DTWD1: variants seen among roughly 807,000 people sequenced by gnomAD.
The protein encoded by DTWD1 is tRNA-uridine aminocarboxypropyltransferase 1.
A neutral mutation model predicts 30.2 loss-of-function variants in DTWD1; 27 were observed. The observed-to-expected ratio is 0.90, with a 90% CI of 0.66 to 1.23. The LOEUF (loss-of-function observed/expected upper bound fraction) is 1.23, where lower values mean the gene tolerates loss of function less well. Ranked by LOEUF, DTWD1 falls within the 50% of genes most tolerant of loss-of-function variation. The probability of loss-of-function intolerance (pLI) is 0.00; values close to 1 mark genes in which losing one functional copy is unlikely to be tolerated. For synonymous variants in DTWD1, 99 were observed against 113.1 expected, an observed-to-expected ratio of 0.88 and a Z score of 0.79; for missense variants, 342 against 348.8, an observed-to-expected ratio of 0.98 and a Z score of 0.15.
chr15:49,627,939 G>T (rs1335782568), intron 2 of DTWD1, among the ~76,000 whole-genome samples: 1 of 152,092 alleles, frequency 6.6e-6, no homozygotes, highest in East Asian at 1.9e-4. Flanking sequence ...TTAGCTTACT[G>T]TGACTTTTTT....
Position 49,653,099 on chromosome 15 carries a change from A to T in DTWD1, c.*9521A>T, listed in dbSNP as rs924528306. 6.6e-6 allele frequency: 1 copy of T among 152,178 alleles called. No individual in the cohort carries two copies. Among genetic ancestry groups the T allele is most frequent in the African/African-American group, 2.4e-5 (1 of 41,452 alleles). 9.4% of individuals were successfully genotyped at this position (152,178 alleles called of 1,614,324 possible). ...TCAGCAATAGATAACAGAAATTGGT[A>T]TCAGGAGTGGGGTGTTACCATAACA... On this transcript the variant is annotated 3_prime_UTR_variant, in exon 5 of 5. Transcript: ENST00000403028.
chr15:49,635,927 G>C (rs1325464554), intron 4 of DTWD1, among the ~76,000 whole-genome samples: 1 of 152,098 alleles, frequency 6.6e-6, no homozygotes, highest in African/African-American at 2.4e-5. Flanking sequence ...AAATGAACCT[G>C]TCCATCCCCT....
At chr15:49,625,775 A>C (rs1170697380) in intron 2 of DTWD1, among the ~76,000 whole-genome samples, 3 of 152,136 alleles carry the variant, frequency 2.0e-5, no homozygotes, top group Non-Finnish European at 4.4e-5. Flanking sequence ...AAAATTTTCC[A>C]AATAGGGTAA....
rs886068827 is a variant in DTWD1 at position 49,643,614 on chromosome 15, A to G, written c.*36A>G. On this transcript the variant is annotated 3_prime_UTR_variant, in exon 5 of 5. Coordinates refer to ENST00000403028, the MANE Select transcript of DTWD1 (RefSeq NM_001144955.2). Reference sequence around the variant, plus strand: ...GCCACTTATGTCTTTTTATTTTGCTAACATTAATAAACTTATATTTGTGCT... The same window carrying G: ...GCCACTTATGTCTTTTTATTTTGCTGACATTAATAAACTTATATTTGTGCT... The G allele has an allele frequency of 6.5e-7, 1 of 1,527,968 alleles. No individual in the cohort carries two copies. Among genetic ancestry groups the G allele is most frequent in the East Asian group, 2.3e-5 (1 of 43,294 alleles). The allele number at this position is 1,527,968 out of a possible 1,614,324, so 94.7% of individuals were successfully genotyped here.
Position 49,643,373 on chromosome 15 carries a change from G to A in DTWD1, c.710G>A (p.Trp237Ter). ...TTGAAAACAAGAAAAACTTGCTTTT[G>A]GCGCCATCAAAAAGGAAAGCCAGAT... ...VELKTRKTCF[W>*]RHQKGKPDTF... The change falls in exon 5 of 5, where the codon TGG (tryptophan) becomes TAG (stop). Residue 237 changes from tryptophan to a stop codon, truncating the protein, a stop_gained. Coordinates refer to ENST00000403028, the MANE Select transcript of DTWD1 (RefSeq NM_001144955.2). LOFTEE classifies it high-confidence loss of function. The A allele has an allele frequency of 6.9e-7, 1 of 1,440,510 alleles. No individual in the cohort carries two copies. The highest frequency in any genetic ancestry group is 9.1e-7 in the Non-Finnish European group (1 of 1,103,800). 89.2% of individuals were successfully genotyped at this position (1,440,510 alleles called of 1,614,324 possible).
rs2078975242 is a variant in DTWD1 at position 49,634,557 on chromosome 15, C to T, written c.430C>T (p.Pro144Ser). The T allele has an allele frequency of 6.2e-7, 1 of 1,610,254 alleles. No individual in the cohort carries two copies. The highest frequency in any genetic ancestry group is 8.5e-7 in the Non-Finnish European group (1 of 1,178,518). ...TTAGGTTGCACTCATTTTTCCTGGA[C>T]CTCAGTCTATCTCAATAAAAGATAT... ...DHEVALIFPG[P>S]QSISIKDISF... The change falls in exon 4 of 5, where the codon CCT becomes TCT. Residue 144 changes from proline (P) to serine (S), a missense_variant. By Grantham distance (74) the Pro-to-Ser change is moderately conservative. Transcript: ENST00000403028.
At chr15:49,632,027 A>G (rs1436593478) in intron 2 of DTWD1, 132 bp from the exon 3 acceptor site, 7 of 871,320 alleles carry the variant, frequency 8.0e-6, no homozygotes, top group African/African-American at 6.7e-5. Flanking sequence ...ATATTATGGT[A>G]TATCTTTTAA....
intron 1 of DTWD1, among the ~76,000 whole-genome samples, chr15:49,624,056 A>AAAAAAAG (rs2078806426): frequency 6.6e-6 from 1 of 151,838 alleles, no homozygotes; most frequent in African/African-American, 2.4e-5. Context: ...ATCTTAAAAA[A>AAAAAAAG]AAAAAGAAAA....
intron 1 of DTWD1, among the ~76,000 whole-genome samples, chr15:49,623,426 CT>C (rs112862445): frequency 1.8e-4 from 26 of 147,170 alleles, no homozygotes; most frequent in East Asian, 3.9e-4. Context: ...TCTTCCCAAG[CT>C]TTTTTTTTTT....
Position 49,655,527 on chromosome 15 carries a change from C to T in DTWD1, c.*11949C>T, listed in dbSNP as rs1359821341. On this transcript the variant is annotated 3_prime_UTR_variant, in exon 5 of 5. Transcript: ENST00000403028. The stretch of plus-strand genomic sequence containing the variant: ...TGTGAGCCTTTATATCAGATTAGTC[C>T]ACCCCATTAGAACAAAAGCAACTTC... 1 of 151,720 alleles carries T rather than the reference C, an allele frequency of 6.6e-6. No homozygotes were observed. Among genetic ancestry groups the T allele is most frequent in the Admixed American group, 6.6e-5 (1 of 15,206 alleles). The allele number at this position is 151,720 out of a possible 1,614,324, so 9.4% of individuals were successfully genotyped here. A position where few individuals can be genotyped will look rare whatever the true frequency, so the allele number is the denominator to read the frequency against.
intron 2 of DTWD1, among the ~76,000 whole-genome samples, chr15:49,628,996 C>G (rs35112372): frequency 0.052 from 7,976 of 152,168 alleles, 358 homozygotes; most frequent in East Asian, 0.23. Flanking sequence ...AGCTCCCCAC[C>G]CCCAGACGGG....
At chr15:49,638,762 T>G (rs2079031971) in intron 4 of DTWD1, among the ~76,000 whole-genome samples, 2 of 152,204 alleles carry the variant, frequency 1.3e-5, no homozygotes, top group Non-Finnish European at 2.9e-5. Context: ...CTTACTGTTT[T>G]GCCAAATTTT....
chr15:49,655,190 C>A lies in DTWD1; in HGVS notation c.*11612C>A, dbSNP rs1262651526. The stretch of plus-strand genomic sequence containing the variant: ...CCTTCTAACTCAGCTTAGCCATTAT[C>A]TGCATGCAACCACATAAGTGACCCT... On this transcript the variant is annotated 3_prime_UTR_variant, in exon 5 of 5. Coordinates refer to ENST00000403028, the MANE Select transcript of DTWD1 (RefSeq NM_001144955.2). The A allele has an allele frequency of 1.3e-5, 2 of 152,110 alleles. No individual in the cohort carries two copies. Among genetic ancestry groups the A allele is most frequent in the Non-Finnish European group, 2.9e-5 (2 of 68,024 alleles). 9.4% of individuals were successfully genotyped at this position (152,110 alleles called of 1,614,324 possible). A position where few individuals can be genotyped will look rare whatever the true frequency, so the allele number is the denominator to read the frequency against.
At position 49,653,573 on chromosome 15, in the gene DTWD1, G is replaced by C. The variant is rs1256242563; in HGVS notation, c.*9995G>C. 2 of 152,142 alleles carry C rather than the reference G, an allele frequency of 1.3e-5. No individual in the cohort carries two copies. Among genetic ancestry groups the C allele is most frequent in the Non-Finnish European group, 2.9e-5 (2 of 68,020 alleles). The allele number at this position is 152,142 out of a possible 1,614,324, so 9.4% of individuals were successfully genotyped here. A position where few individuals can be genotyped will look rare whatever the true frequency, so the allele number is the denominator to read the frequency against. Reference sequence around the variant, plus strand: ...GAATAGTGAACAAACTCTTACTGGAGGATGGGAAGGCAGTAAATAAATTAT... The same window carrying C: ...GAATAGTGAACAAACTCTTACTGGACGATGGGAAGGCAGTAAATAAATTAT... On this transcript the variant is annotated 3_prime_UTR_variant, in exon 5 of 5. Coordinates refer to ENST00000403028, the MANE Select transcript of DTWD1 (RefSeq NM_001144955.2).
chr15:49,625,588 AT>A (rs1167728533), intron 2 of DTWD1, 157 bp downstream of exon 2: 2 of 781,106 alleles, frequency 2.6e-6, no homozygotes, highest in African/African-American at 3.5e-5. Context: ...TAGACAGAAA[AT>A]TTCTCAGCAG....
Position 49,646,957 on chromosome 15 carries a change from C to A in DTWD1, c.*3379C>A, listed in dbSNP as rs1268753716. ...TTTAGTTAGAAAAGCAGCATCGTTACAAGTATTACATGAATAAAGAAGTTT... is the reference window on the plus strand; with the variant it reads ...TTTAGTTAGAAAAGCAGCATCGTTAAAAGTATTACATGAATAAAGAAGTTT... On this transcript the variant is annotated 3_prime_UTR_variant, in exon 5 of 5. Coordinates refer to ENST00000403028, the MANE Select transcript of DTWD1 (RefSeq NM_001144955.2). 2 of 152,072 alleles carry A rather than the reference C, an allele frequency of 1.3e-5. No individual in the cohort carries two copies. The highest frequency in any genetic ancestry group is 2.9e-5 in the Non-Finnish European group (2 of 68,012). 9.4% of individuals were successfully genotyped at this position (152,072 alleles called of 1,614,324 possible). A position where few individuals can be genotyped will look rare whatever the true frequency, so the allele number is the denominator to read the frequency against.
chr15:49,626,308 A>T (rs1472558736), intron 2 of DTWD1, among the ~76,000 whole-genome samples: 3 of 152,132 alleles, frequency 2.0e-5, no homozygotes, highest in African/African-American at 7.2e-5. Context: ...ATGGGGATGG[A>T]GCAGATTTCA....
chr15:49,634,731 A>C lies in DTWD1; in HGVS notation c.604A>C (p.Ile202Leu), dbSNP rs767155405. The C allele has an allele frequency of 6.2e-7, 1 of 1,608,750 alleles. No individual in the cohort carries two copies. The highest frequency in any genetic ancestry group is 8.5e-7 in the Non-Finnish European group (1 of 1,177,506). Residue 202 changes from isoleucine (I) to leucine (L), a missense_variant, in exon 4 of 5, where the codon ATT becomes CTT. Transcript: ENST00000403028. ...SKCKGTTLKK[I>L]IFIDSTWNQT... is the part of the protein sequence containing the mutation. ...GTGCAAAGGCACAACACTGAAAAAA[A>C]TTATATTTATAGATAGCACCTGGAA...
intron 2 of DTWD1, chr15:49,626,801 A>T (rs1419605388): frequency 4.6e-6 from 2 of 437,286 alleles, no homozygotes; most frequent in Non-Finnish European, 9.4e-6. Context: ...AATCACATGT[A>T]TAGGCTAATG....
Sources: allele counts gnomAD v4.1 joint callset (sites outside exome capture counted in the v4.1 genomes callset), GRCh38; gene constraint gnomAD v4.1.1; transcripts MANE v1.5; gene names NCBI Gene and HGNC (gene_info 2026-07-23, HGNC 2026-07-21).